Variants in HS3ST4 observed in about 807,000 individuals in gnomAD.
The protein encoded by HS3ST4 is heparan sulfate-glucosamine 3-sulfotransferase 4, also known as heparan sulfate glucosamine 3-O-sulfotransferase 4.
In HS3ST4, 17 loss-of-function variants were observed where a neutral mutation model predicts 29.2. The observed-to-expected ratio is 0.58, with a 90% CI of 0.40 to 0.87. HS3ST4 has a LOEUF of 0.87. Ranked by LOEUF, HS3ST4 falls within the 40% of genes least tolerant of loss-of-function variation. The pLI is 0.00. For synonymous variants in HS3ST4, 314 were observed against 285.7 expected (o/e 1.10, Z -1.00); for missense variants, 627 against 634.5 (o/e 0.99, Z 0.13).
At chr16:25,998,581 C>T (rs1034263806) in intron 1 of HS3ST4, among the ~76,000 whole-genome samples, 1 of 152,104 alleles carries the variant, frequency 6.6e-6, no homozygotes, top group Admixed American at 6.6e-5. Context: ...CATTCTTGAT[C>T]TTGTCATTTA....
intron 1 of HS3ST4, among the ~76,000 whole-genome samples, chr16:26,100,702 T>C (rs11642447): frequency 0.18 from 27,847 of 152,018 alleles, 3,244 homozygotes; most frequent in South Asian, 0.28. Context: ...CTCACAAATC[T>C]CCCCCAACCA....
intron 1 of HS3ST4, among the ~76,000 whole-genome samples, chr16:25,794,574 G>A (rs1966877714): frequency 6.6e-6 from 1 of 151,322 alleles, no homozygotes. Flanking sequence ...GGTTTCCAAT[G>A]TTTTCTTGAA....
intron 1 of HS3ST4, among the ~76,000 whole-genome samples, chr16:26,117,826 G>A (rs1022796975): frequency 3.3e-5 from 5 of 152,174 alleles, no homozygotes; most frequent in Admixed American, 1.3e-4. Flanking sequence ...AAGCACCTAT[G>A]ATGTACCATG....
At chr16:26,042,392 T>C (rs1969643587) in intron 1 of HS3ST4, among the ~76,000 whole-genome samples, 1 of 151,910 alleles carries the variant, frequency 6.6e-6, no homozygotes, top group African/African-American at 2.4e-5. Context: ...GTTTCAGCAG[T>C]TGTAAAATGG....
At chr16:25,887,864 G>GT (rs1967970893) in intron 1 of HS3ST4, among the ~76,000 whole-genome samples, 2 of 151,572 alleles carry the variant, frequency 1.3e-5, no homozygotes, top group South Asian at 4.2e-4. Flanking sequence ...CGCCCAGCTA[G>GT]TTTTTTGTAT....
chr16:25,732,206 C>T (rs775313674), intron 1 of HS3ST4, among the ~76,000 whole-genome samples: 19 of 152,158 alleles, frequency 1.2e-4, no homozygotes, highest in Non-Finnish European at 2.2e-4. Flanking sequence ...TCCCCTTTTC[C>T]ACTTTCTCTT....
At chr16:25,728,117 T>A (rs1966549333) in intron 1 of HS3ST4, among the ~76,000 whole-genome samples, 3 of 152,184 alleles carry the variant, frequency 2.0e-5, no homozygotes, top group Admixed American at 2.0e-4. Context: ...TTCTCCTGCC[T>A]CAGCCTCCTG....
At chr16:26,027,569 T>C (rs997356765) in intron 1 of HS3ST4, among the ~76,000 whole-genome samples, 5 of 152,236 alleles carry the variant, frequency 3.3e-5, no homozygotes, top group African/African-American at 1.2e-4. Flanking sequence ...TCTGGCACAG[T>C]GTTTATTTAT....
At chr16:25,951,672 A>G (rs968366045) in intron 1 of HS3ST4, among the ~76,000 whole-genome samples, 5 of 152,166 alleles carry the variant, frequency 3.3e-5, no homozygotes, top group African/African-American at 7.2e-5. Flanking sequence ...CTATACTCCA[A>G]TTCTCTAACT....
At chr16:25,917,930 G>T (rs1051385248) in intron 1 of HS3ST4, among the ~76,000 whole-genome samples, 2 of 152,114 alleles carry the variant, frequency 1.3e-5, no homozygotes, top group East Asian at 1.9e-4. Context: ...GGCAAAGCTT[G>T]CCCTGGGCTA....
At chr16:26,120,075 G>A (rs919259090) in intron 1 of HS3ST4, among the ~76,000 whole-genome samples, 1 of 102,924 alleles carries the variant, frequency 9.7e-6, no homozygotes, top group African/African-American at 3.5e-5. Flanking sequence ...GTGTGTATGT[G>A]TGTGTGTGTG....
rs148460392 is a variant in HS3ST4, at chr16:25,828,564, C to A, written c.734+135413C>A. On this transcript the variant is annotated intron_variant, in intron 1 of 1. Coordinates refer to ENST00000331351, the MANE Select transcript of HS3ST4 (RefSeq NM_006040.3). ...TCTTGTTGGCCAGGCCAGACTCGAT[C>A]TCCTGGGCTCAAGCAATCCACCCAC... Among the ~76,000 whole-genome samples, 180 of 151,926 alleles carry A rather than the reference C, an allele frequency of 1.2e-3. 2 individuals are homozygous for A. Among genetic ancestry groups the A allele is most frequent in the African/African-American group, 4.1e-3 (171 of 41,428 alleles).
At chr16:25,713,003 A>G (rs912973950) in intron 1 of HS3ST4, among the ~76,000 whole-genome samples, 2 of 151,924 alleles carry the variant, frequency 1.3e-5, no homozygotes, top group African/African-American at 4.8e-5. Context: ...TCTTATAAGG[A>G]CAGCTATCAT....
chr16:26,031,233 A>T (rs1026499196), intron 1 of HS3ST4, among the ~76,000 whole-genome samples: 1 of 152,150 alleles, frequency 6.6e-6, no homozygotes, highest in Admixed American at 6.5e-5. Flanking sequence ...AGAGGAGCTG[A>T]AGCGGAAACC....
At chr16:26,024,108 C>A (rs1014416095) in intron 1 of HS3ST4, among the ~76,000 whole-genome samples, 1 of 151,910 alleles carries the variant, frequency 6.6e-6, no homozygotes, top group African/African-American at 2.4e-5. Flanking sequence ...CCTGTAATCC[C>A]AGCTACTTGG....
chr16:25,810,270 T>C (rs1349807078), intron 1 of HS3ST4, among the ~76,000 whole-genome samples: 1 of 152,192 alleles, frequency 6.6e-6, no homozygotes, highest in Non-Finnish European at 1.5e-5. Context: ...AGGTTTCTTC[T>C]GTTGTCTTTC....
chr16:26,003,781 A>G (rs573487299), intron 1 of HS3ST4, among the ~76,000 whole-genome samples: 85 of 152,206 alleles, frequency 5.6e-4, no homozygotes, highest in African/African-American at 2.0e-3. Context: ...CACTTTGAGA[A>G]GGTGGGCTGG....
chr16:25,906,189 C>T (rs961881561), intron 1 of HS3ST4, among the ~76,000 whole-genome samples: 1 of 152,144 alleles, frequency 6.6e-6, no homozygotes, highest in Non-Finnish European at 1.5e-5. Flanking sequence ...GTCCTTGATC[C>T]TAACTGAAGA....
intron 1 of HS3ST4, among the ~76,000 whole-genome samples, chr16:25,967,117 A>G (rs1487018350): frequency 4.6e-5 from 7 of 152,176 alleles, no homozygotes; most frequent in Non-Finnish European, 1.5e-5. Flanking sequence ...TTTGAGAACC[A>G]CTGATCCAAT....
Sources: gnomAD v4.1 joint callset for allele counts (sites outside exome capture counted in the v4.1 genomes callset) on GRCh38, gnomAD v4.1.1 for gene constraint, MANE v1.5 for transcripts, NCBI Gene and HGNC (gene_info 2026-07-23, HGNC 2026-07-21) for gene names.